MYBL1: variants seen among roughly 807,000 people sequenced by gnomAD.
The protein encoded by MYBL1 is myb-related protein A.
MYBL1 carries 17 observed loss-of-function variants against 96.3 expected under a neutral mutation model. The observed-to-expected ratio is 0.18, with a 90% confidence interval of 0.12 to 0.26. The LOEUF (loss-of-function observed/expected upper bound fraction) is 0.26. MYBL1 is among the 10% of genes least tolerant of loss of function. The pLI is 1.00. For missense variants in MYBL1, 701 were observed against 882.9 expected (o/e 0.79, Z 2.61); for synonymous variants, 282 against 292.7 (o/e 0.96, Z 0.37).
Position 66,595,628 on chromosome 8 carries a change from A to G in MYBL1, c.642T>C (p.Ala214=), listed in dbSNP as rs1333215298. Residue 214 remains alanine (A), a synonymous_variant, in exon 6 of 16, where the codon GCT becomes GCC. Transcript: ENST00000522677. ...GATTCTGGGTTTGCATATGATCCAT[A>G]GCTGCACAAGGTTTGTGTTGAAGTT... ...SSKLQHKPCA[A]MDHMQTQNQF... is the part of the protein sequence containing the mutation. 4.4e-6 allele frequency: 7 copies of G among 1,594,004 alleles called. No homozygotes were observed. The Admixed American group carries it at 5.2e-5, about 12-fold the overall frequency.
chr8:66,598,825 C>T (rs544924121), intron 4 of MYBL1, among the ~76,000 whole-genome samples: 1 of 152,208 alleles, frequency 6.6e-6, no homozygotes, highest in Admixed American at 6.5e-5. Flanking sequence ...CTTCTGCAAA[C>T]CAAACTCTCA....
chr8:66,595,488 T>A, intron 6 of MYBL1, 95 bp downstream of exon 6: 1 of 609,154 alleles, frequency 1.6e-6, no homozygotes, highest in Non-Finnish European at 2.5e-6. Context: ...TACCCCTTAA[T>A]ACGCATTGTA....
intron 11 of MYBL1, 103 bp downstream of exon 11, chr8:66,573,261 G>A (rs1808806252): frequency 1.8e-6 from 2 of 1,131,830 alleles, no homozygotes; most frequent in African/African-American, 1.6e-5. Flanking sequence ...AGTCCTGTAG[G>A]AATAGGAATT....
chr8:66,585,403 A>G (rs1389800741), intron 8 of MYBL1, among the ~76,000 whole-genome samples: 3 of 152,212 alleles, frequency 2.0e-5, no homozygotes, highest in Non-Finnish European at 2.9e-5. Context: ...TTCAAAATGG[A>G]TGAAAGACTT....
chr8:66,598,886 CCAA>C (rs755285354), intron 4 of MYBL1, among the ~76,000 whole-genome samples, 161 bp downstream of exon 4: 1 of 152,062 alleles, frequency 6.6e-6, no homozygotes, highest in Non-Finnish European at 1.5e-5. Flanking sequence ...TTCTAAAAAC[CCAA>C]CAACATTTCC....
At chr8:66,591,728 C>T (rs1304888582) in intron 8 of MYBL1, among the ~76,000 whole-genome samples, 1 of 151,682 alleles carries the variant, frequency 6.6e-6, no homozygotes, top group African/African-American at 2.4e-5. Flanking sequence ...CTCATAAATC[C>T]CTCTACATCT....
At chr8:66,602,999 C>T (rs1022023638) in intron 1 of MYBL1, among the ~76,000 whole-genome samples, 1 of 151,806 alleles carries the variant, frequency 6.6e-6, no homozygotes, top group Admixed American at 6.6e-5. Flanking sequence ...CCCGACTCGG[C>T]CTCCCAATGT....
At chr8:66,592,583 T>C (rs370320700) in intron 7 of MYBL1, 39 bp from the exon 8 acceptor site, 12 of 1,179,424 alleles carry the variant, frequency 1.0e-5, no homozygotes, top group Non-Finnish European at 1.4e-5. Context: ...AGGATGCTTA[T>C]ATAATTGCTT....
At chr8:66,579,992 A>G in intron 9 of MYBL1, 141 bp downstream of exon 9, 1 of 606,400 alleles carries the variant, frequency 1.6e-6, no homozygotes, top group South Asian at 2.8e-5. Flanking sequence ...TTTTTCCCCT[A>G]GAAGCCACTG....
intron 15 of MYBL1, chr8:66,565,070 A>C (rs982677370): frequency 2.9e-5 from 6 of 204,732 alleles, no homozygotes; most frequent in African/African-American, 4.6e-5. Context: ...AGGCCTATGG[A>C]GGCAGTTTAA....
chr8:66,600,908 C>T (rs1466442393), intron 3 of MYBL1, among the ~76,000 whole-genome samples: 2 of 152,012 alleles, frequency 1.3e-5, no homozygotes, highest in African/African-American at 4.8e-5. Flanking sequence ...CGGTAACTCA[C>T]GCCTGTAATC....
chr8:66,583,305 C>G (rs1489264946), intron 8 of MYBL1, among the ~76,000 whole-genome samples: 1 of 151,906 alleles, frequency 6.6e-6, no homozygotes, highest in Non-Finnish European at 1.5e-5. Flanking sequence ...AAAGTAGAAA[C>G]AAACATACCA....
At chr8:66,598,422 T>C (rs550588227) in intron 4 of MYBL1, among the ~76,000 whole-genome samples, 15 of 152,320 alleles carry the variant, frequency 9.8e-5, no homozygotes, top group Admixed American at 9.8e-4. Flanking sequence ...ATTTAAAAAA[T>C]AAGAACAACA....
chr8:66,586,752 C>T (rs894999066), intron 8 of MYBL1, among the ~76,000 whole-genome samples: 1 of 152,124 alleles, frequency 6.6e-6, no homozygotes, highest in African/African-American at 2.4e-5. Flanking sequence ...ATGGAATCAA[C>T]CTAATTGCCT....
At chr8:66,601,916 T>C in intron 2 of MYBL1, 147 bp from the exon 3 acceptor site, 1 of 442,298 alleles carries the variant, frequency 2.3e-6, no homozygotes, top group Non-Finnish European at 4.1e-6. Context: ...TTCTTCCATT[T>C]ATTATACTGT....
At chr8:66,592,365 C>G in intron 8 of MYBL1, 75 bp downstream of exon 8, 1 of 1,006,788 alleles carries the variant, frequency 9.9e-7, no homozygotes, top group Non-Finnish European at 1.5e-6. Context: ...ACTGAGTATG[C>G]TTTCTAGCTG....
chr8:66,609,872 T>C (rs1229846390), intron 1 of MYBL1, among the ~76,000 whole-genome samples: 1 of 152,044 alleles, frequency 6.6e-6, no homozygotes, highest in East Asian at 1.9e-4. Flanking sequence ...TGCCAGTTAA[T>C]GACAAAACCG....
rs116034435 is a variant in MYBL1 at position 66,599,165 on chromosome 8, G to A, written c.199-23C>T. 1.6e-3 allele frequency: 2,370 copies of A among 1,520,390 alleles called. 28 individuals are homozygous for A. In the African/African-American group the frequency reaches 0.028, roughly 18 times the overall value. 94.2% of individuals were successfully genotyped at this position (1,520,390 alleles called of 1,614,324 possible). A position where few individuals can be genotyped will look rare whatever the true frequency, so the allele number is the denominator to read the frequency against. On this transcript the variant is annotated intron_variant, in intron 3 of 15. Coordinates refer to ENST00000522677, the MANE Select transcript of MYBL1 (RefSeq NM_001080416.4). ...ATTCTGAAAAAATTTAGAAGATTTT[G>A]TTATTAAACAACTGTCTTCCAGAAA... is the stretch of plus-strand genomic sequence containing the variant.
At chr8:66,572,125 G>C (rs1586555289) in intron 12 of MYBL1, among the ~76,000 whole-genome samples, 1 of 151,470 alleles carries the variant, frequency 6.6e-6, no homozygotes, top group African/African-American at 2.4e-5. Flanking sequence ...TTCAAGACCA[G>C]GCTGGCCAAT....
Sources: gnomAD v4.1 joint callset for allele counts (sites outside exome capture counted in the v4.1 genomes callset) on GRCh38, gnomAD v4.1.1 for gene constraint, MANE v1.5 for transcripts, NCBI Gene and HGNC (gene_info 2026-07-23, HGNC 2026-07-21) for gene names.